EPHA6: variants seen among roughly 807,000 people sequenced by gnomAD.
EPHA6 encodes ephrin type-A receptor 6.
A neutral mutation model predicts 112.0 loss-of-function variants in EPHA6; 50 were observed. That is an observed-to-expected ratio of 0.45 (90% CI 0.36 to 0.56). EPHA6 has a LOEUF of 0.56. Among genes scored for constraint, EPHA6 ranks in the 20% least tolerant of loss-of-function variants. The pLI is 0.00. For missense variants in EPHA6, 1,280 were observed against 1,417.4 expected (o/e 0.90, Z 1.56); for synonymous variants, 529 against 490.7 (o/e 1.08, Z -1.03).
chr3:97,651,101 T>C (rs1028816734), intron 14 of EPHA6, among the ~76,000 whole-genome samples: 2 of 152,076 alleles, frequency 1.3e-5, no homozygotes, highest in African/African-American at 4.8e-5. Context: ...AGTAATATAC[T>C]ACTTAATGGC....
At chr3:97,699,652 T>C (rs1310415585) in intron 14 of EPHA6, among the ~76,000 whole-genome samples, 1 of 152,156 alleles carries the variant, frequency 6.6e-6, no homozygotes, top group Non-Finnish European at 1.5e-5. Flanking sequence ...TGATAAACAG[T>C]TCCCAAGTCC....
chr3:97,313,164 G>A (rs1445964666), intron 5 of EPHA6, among the ~76,000 whole-genome samples: 1 of 151,252 alleles, frequency 6.6e-6, no homozygotes, highest in African/African-American at 2.4e-5. Flanking sequence ...GAGATTATAT[G>A]GTATTTGTGT....
chr3:96,981,626 T>C (rs1025917035), intron 2 of EPHA6, among the ~76,000 whole-genome samples: 2 of 152,182 alleles, frequency 1.3e-5, no homozygotes, highest in Non-Finnish European at 2.9e-5. Context: ...TCAGAAGGAA[T>C]GGTACCAGCT....
chr3:96,905,363 T>C (rs1447394537), intron 2 of EPHA6, among the ~76,000 whole-genome samples: 1 of 152,048 alleles, frequency 6.6e-6, no homozygotes. Context: ...TTTTTTCTTA[T>C]AATTTTAATA....
intron 14 of EPHA6, among the ~76,000 whole-genome samples, chr3:97,695,566 G>T (rs886639665): frequency 6.6e-6 from 1 of 152,032 alleles, no homozygotes; most frequent in African/African-American, 2.4e-5. Context: ...ATTTAAGACG[G>T]AGTCTCGCTC....
chr3:97,330,220 G>A lies in EPHA6; in HGVS notation c.1607-74930G>A, dbSNP rs568687285. ...GTACCATGCTGTTTTGGTTACTGTA[G>A]CCTTGTAGTAGAGTTTGAAGTCAGG... On this transcript the variant is annotated intron_variant, in intron 5 of 17. Transcript: ENST00000389672. 6.6e-5 allele frequency among the ~76,000 whole-genome samples: 10 copies of A among 152,182 alleles called. No homozygotes were observed. In the South Asian group the frequency reaches 1.9e-3, roughly 28 times the overall value.
chr3:97,430,099 T>C (rs2089413547), intron 6 of EPHA6, among the ~76,000 whole-genome samples: 1 of 152,186 alleles, frequency 6.6e-6, no homozygotes. Context: ...ATAGTTTTAT[T>C]TATAAATGAA....
At chr3:96,930,646 G>A (rs62263692) in intron 2 of EPHA6, among the ~76,000 whole-genome samples, 2 of 152,140 alleles carry the variant, frequency 1.3e-5, no homozygotes, top group Non-Finnish European at 2.9e-5. Flanking sequence ...CCGGAGACCC[G>A]AACTGGGAGG....
At chr3:97,556,634 A>G (rs896504202) in intron 11 of EPHA6, among the ~76,000 whole-genome samples, 1 of 152,018 alleles carries the variant, frequency 6.6e-6, no homozygotes, top group Non-Finnish European at 1.5e-5. Context: ...CATGGGGATT[A>G]TGGGAACTAC....
At chr3:97,221,308 CAAAAAAAA>C (rs57025573) in intron 3 of EPHA6, among the ~76,000 whole-genome samples, 20 of 16,406 alleles carry the variant, frequency 1.2e-3, no homozygotes, top group East Asian at 9.0e-3. Flanking sequence ...GACTCTGTCT[CAAAAAAAA>C]AAAAAAAAAA....
intron 11 of EPHA6, among the ~76,000 whole-genome samples, chr3:97,591,940 T>C (rs1327097044): frequency 6.6e-6 from 1 of 152,212 alleles, no homozygotes; most frequent in African/African-American, 2.4e-5. Flanking sequence ...CTGACACTCT[T>C]TTATTCTATG....
At chr3:96,820,527 A>T (rs1199849160) in intron 1 of EPHA6, among the ~76,000 whole-genome samples, 2 of 152,072 alleles carry the variant, frequency 1.3e-5, no homozygotes, top group African/African-American at 4.8e-5. Flanking sequence ...AGAAAAATAA[A>T]TGCAAGAAGC....
chr3:97,106,463 A>C (rs2047572711), intron 3 of EPHA6, among the ~76,000 whole-genome samples: 1 of 152,066 alleles, frequency 6.6e-6, no homozygotes, highest in Non-Finnish European at 1.5e-5. Context: ...TGGTTGGAGG[A>C]AAGCCCAGGC....
At chr3:97,024,463 C>T (rs535261471) in intron 3 of EPHA6, among the ~76,000 whole-genome samples, 13 of 152,120 alleles carry the variant, frequency 8.5e-5, no homozygotes, top group African/African-American at 3.1e-4. Flanking sequence ...TCTAATTGAT[C>T]TGAAAGAAAT....
chr3:97,741,783 T>G (rs1480713063), intron 16 of EPHA6, among the ~76,000 whole-genome samples: 1 of 152,110 alleles, frequency 6.6e-6, no homozygotes, highest in East Asian at 1.9e-4. Flanking sequence ...ATTTTCACAT[T>G]TCCAGATAGA....
intron 5 of EPHA6, among the ~76,000 whole-genome samples, chr3:97,348,657 C>G (rs1277279527): frequency 6.6e-6 from 1 of 151,910 alleles, no homozygotes; most frequent in Non-Finnish European, 1.5e-5. Flanking sequence ...TACATAAATA[C>G]AGGAAACTGA....
At chr3:97,576,602 A>G (rs1018693841) in intron 11 of EPHA6, among the ~76,000 whole-genome samples, 9 of 152,180 alleles carry the variant, frequency 5.9e-5, no homozygotes, top group Non-Finnish European at 1.0e-4. Context: ...CAGGCATGCC[A>G]GTTGTTTTTC....
intron 3 of EPHA6, among the ~76,000 whole-genome samples, chr3:97,130,887 A>G (rs964439961): frequency 2.6e-5 from 4 of 152,096 alleles, no homozygotes; most frequent in Admixed American, 6.6e-5. Flanking sequence ...AGAAGAGCTA[A>G]ATTTGTATTT....
At chr3:97,116,951 A>G (rs2047905454) in intron 3 of EPHA6, among the ~76,000 whole-genome samples, 1 of 151,738 alleles carries the variant, frequency 6.6e-6, no homozygotes, top group Non-Finnish European at 1.5e-5. Flanking sequence ...ATGTCTACCA[A>G]AGTGTTCAAC....
Sources: gnomAD v4.1 joint callset for allele counts (sites outside exome capture counted in the v4.1 genomes callset) on GRCh38, gnomAD v4.1.1 for gene constraint, MANE v1.5 for transcripts, NCBI Gene and HGNC (gene_info 2026-07-23, HGNC 2026-07-21) for gene names.